The following IKZF1 variants were observed in gnomAD, a reference collection of about 807,000 sequenced individuals.
IKZF1 encodes the protein DNA-binding protein Ikaros.
Under a neutral mutation model 51.7 loss-of-function variants are expected in IKZF1, and 10 were observed. The ratio of observed to expected loss-of-function variants is 0.19; its 90% CI spans 0.12 to 0.33. IKZF1 has a LOEUF of 0.33. IKZF1 is among the 10% of genes least tolerant of loss of function. The pLI is 1.00. For synonymous variants in IKZF1, 280 were observed against 282.3 expected (o/e 0.99, Z 0.08); for missense variants, 484 against 707.5 (o/e 0.68, Z 3.58).
chr7:50,346,496 A>G (rs1447956859), intron 3 of IKZF1, among the ~76,000 whole-genome samples: 2 of 152,224 alleles, frequency 1.3e-5, no homozygotes, highest in African/African-American at 4.8e-5. Flanking sequence ...TCTCCTGGCT[A>G]AAGTGTGTTG....
At chr7:50,337,167 G>A (rs1797999185) in intron 3 of IKZF1, among the ~76,000 whole-genome samples, 1 of 152,082 alleles carries the variant, frequency 6.6e-6, no homozygotes, top group African/African-American at 2.4e-5. Context: ...CAGGCATCAG[G>A]AACCAAGGGA....
intron 3 of IKZF1, among the ~76,000 whole-genome samples, chr7:50,332,149 C>T (rs1044887754): frequency 6.6e-6 from 1 of 152,150 alleles, no homozygotes; most frequent in South Asian, 2.1e-4. Flanking sequence ...GAGACTTGTT[C>T]TGAAAACTCT....
In IKZF1 at chr7:50,404,061, T is replaced by A. The variant is rs968144988; in HGVS notation, c.*3434T>A. 3 of 215,336 alleles carry A rather than the reference T, an allele frequency of 1.4e-5. No homozygotes were observed. The highest frequency in any genetic ancestry group is 6.8e-5 in the African/African-American group (3 of 44,376). 13.3% of individuals were successfully genotyped at this position (215,336 alleles called of 1,614,324 possible). On this transcript the variant is annotated 3_prime_UTR_variant, in exon 8 of 8. Coordinates refer to ENST00000331340, the MANE Select transcript of IKZF1 (RefSeq NM_006060.6). ...TAGACTTATTTAAGATGTACAGGCA[T>A]CAGAAAAAAGAAGCACATAATGCTT...
chr7:50,377,073 A>G, intron 4 of IKZF1: 1 of 474,318 alleles, frequency 2.1e-6, no homozygotes, highest in South Asian at 2.4e-5. Context: ...CTGCTATTAT[A>G]GTAACACATA....
chr7:50,372,004 A>G (rs541600653), intron 3 of IKZF1, among the ~76,000 whole-genome samples: 3 of 152,360 alleles, frequency 2.0e-5, no homozygotes, highest in East Asian at 3.9e-4. Flanking sequence ...TTTAAAATCT[A>G]TATTTTAATT....
rs1170409668 is a variant in IKZF1, at chr7:50,403,329, A to G, written c.*2702A>G. ...AAAGTAGGAGTTTGCATGACTTCAC[A>G]CTTTTTTTGCGTAGTTTCTTCTGTT... is the stretch of plus-strand genomic sequence containing the variant. On this transcript the variant is annotated 3_prime_UTR_variant, in exon 8 of 8. Coordinates refer to ENST00000331340, the MANE Select transcript of IKZF1 (RefSeq NM_006060.6). 1 of 223,398 alleles carries G rather than the reference A, an allele frequency of 4.5e-6. No individual in the cohort carries two copies. The allele number at this position is 223,398 out of a possible 1,614,324, so 13.8% of individuals were successfully genotyped here.
At chr7:50,328,945 C>G (rs937889430) in intron 3 of IKZF1, 1 of 151,710 alleles carries the variant, frequency 6.6e-6, no homozygotes, top group East Asian at 1.9e-4. Context: ...TAGTGGTGGG[C>G]GCCTGTAGTC....
At chr7:50,331,777 G>C (rs1161455597) in intron 3 of IKZF1, among the ~76,000 whole-genome samples, 1 of 152,242 alleles carries the variant, frequency 6.6e-6, no homozygotes, top group Non-Finnish European at 1.5e-5. Context: ...GAAGGAGACA[G>C]AGCCAGAGGG....
chr7:50,311,100 C>G (rs1790057078), intron 1 of IKZF1, among the ~76,000 whole-genome samples: 1 of 152,138 alleles, frequency 6.6e-6, no homozygotes, highest in Non-Finnish European at 1.5e-5. Flanking sequence ...GTAAACAAAA[C>G]AGAGGTCAGA....
At chr7:50,320,495 C>T (rs1792907403) in intron 2 of IKZF1, among the ~76,000 whole-genome samples, 1 of 152,204 alleles carries the variant, frequency 6.6e-6, no homozygotes, top group Non-Finnish European at 1.5e-5. Context: ...TGACTACAGT[C>T]ATCCTGCAAT....
At position 50,402,016 on chromosome 7, in the gene IKZF1, G is replaced by C. The variant is rs1818214680; in HGVS notation, c.*1389G>C. On this transcript the variant is annotated 3_prime_UTR_variant, in exon 8 of 8. Coordinates refer to ENST00000331340, the MANE Select transcript of IKZF1 (RefSeq NM_006060.6). The stretch of plus-strand genomic sequence containing the variant: ...GAGAGTAATGCCACCAGATCCCCTA[G>C]GAAAGAGGAGGCAAATGGCACTGCA... The C allele has an allele frequency of 4.4e-6, 1 of 229,358 alleles. No homozygotes were observed. The highest frequency in any genetic ancestry group is 2.2e-5 in the African/African-American group (1 of 45,082). The allele number at this position is 229,358 out of a possible 1,614,324, so 14.2% of individuals were successfully genotyped here.
At position 50,376,875 on chromosome 7, in the gene IKZF1, G is replaced by A. The variant is rs538724528; in HGVS notation, c.421+82G>A. The stretch of plus-strand genomic sequence containing the variant: ...AGGAGGAAAGCATCCTGTCTTCCTT[G>A]TGTTCTGAGCATGTTTCTAATTGAC... On this transcript the variant is annotated intron_variant, in intron 4 of 7. Coordinates refer to ENST00000331340, the MANE Select transcript of IKZF1 (RefSeq NM_006060.6). The surrounding 1 kb of genome is among the most constrained non-coding windows in gnomAD (Gnocchi z 4.5). The A allele has an allele frequency of 9.8e-5, 153 of 1,553,850 alleles. 1 individual carries two copies. The highest frequency in any genetic ancestry group is 1.3e-4 in the Non-Finnish European group (146 of 1,150,090).
chr7:50,369,773 T>G (rs888323685), intron 3 of IKZF1: 5 of 391,620 alleles, frequency 1.3e-5, no homozygotes, highest in Admixed American at 4.4e-5. Flanking sequence ...GCTCTTTTTT[T>G]TATTCTCTTT....
At chr7:50,337,020 A>G (rs1337619018) in intron 3 of IKZF1, among the ~76,000 whole-genome samples, 1 of 152,170 alleles carries the variant, frequency 6.6e-6, no homozygotes, top group Non-Finnish European at 1.5e-5. Context: ...TGCTGGGGAC[A>G]GGATAATGCC....
intron 3 of IKZF1, among the ~76,000 whole-genome samples, chr7:50,343,124 CCCTCCCTTTCTTTCTT>C (rs1799462102): frequency 7.0e-6 from 1 of 142,242 alleles, no homozygotes; most frequent in African/African-American, 2.8e-5. Context: ...TTTCCTCCCT[CCCTCCCTTTCTTTCTT>C]CCTTCCTTTC....
intron 1 of IKZF1, among the ~76,000 whole-genome samples, chr7:50,313,823 G>T (rs1393012465): frequency 6.6e-6 from 1 of 152,226 alleles, no homozygotes; most frequent in East Asian, 1.9e-4. Context: ...TATGCCAGGT[G>T]CTCAAATAAA....
In IKZF1 at chr7:50,400,387, C is replaced by T. The variant is rs1817855915; in HGVS notation, c.1320C>T (p.Ala440=). 3 of 1,613,266 alleles carry T rather than the reference C, an allele frequency of 1.9e-6. No individual in the cohort carries two copies. Among genetic ancestry groups the T allele is most frequent in the Non-Finnish European group, 1.7e-6 (2 of 1,179,778 alleles). Residue 440 remains alanine (A), a synonymous_variant, in exon 8 of 8, where the codon GCC becomes GCT. Transcript: ENST00000331340. This position sits in a 1 kb window ranked among gnomAD's most constrained non-coding sequence, Gnocchi z 5.4. The part of the protein sequence containing the change: ...EEHRAYDLLR[A]ASENSQDALR... ...ACCGCGCCTACGACCTGCTGCGCGC[C>T]GCCTCCGAGAACTCGCAGGACGCGC... is the stretch of plus-strand genomic sequence containing the variant.
At chr7:50,335,502 TGTGTATGG>T (rs1797509937) in intron 3 of IKZF1, among the ~76,000 whole-genome samples, 3 of 145,602 alleles carry the variant, frequency 2.1e-5, no homozygotes, top group Non-Finnish European at 4.5e-5. Context: ...GGTGTGTATG[TGTGTATGG>T]GATGTGTGGT....
At position 50,402,166 on chromosome 7, in the gene IKZF1, A is replaced by T. The variant is rs998487799; in HGVS notation, c.*1539A>T. On this transcript the variant is annotated 3_prime_UTR_variant, in exon 8 of 8. Transcript: ENST00000331340. ...ATTAATGCTATCAATCATTAAGGTC[A>T]TTACTCTCAACCACCTAGGCAATGA... is the stretch of plus-strand genomic sequence containing the variant. The T allele has an allele frequency of 1.3e-5, 3 of 230,622 alleles. No individual in the cohort carries two copies. Among genetic ancestry groups the T allele is most frequent in the African/African-American group, 2.2e-5 (1 of 45,132 alleles). 14.3% of individuals were successfully genotyped at this position (230,622 alleles called of 1,614,324 possible).
Sources: allele counts gnomAD v4.1 joint callset (sites outside exome capture counted in the v4.1 genomes callset), GRCh38; gene constraint gnomAD v4.1.1; non-coding constraint Gnocchi (gnomAD v3.1); transcripts MANE v1.5; gene names NCBI Gene and HGNC (gene_info 2026-07-23, HGNC 2026-07-21).